HS3ST4: variants seen among roughly 807,000 people sequenced by gnomAD.
HS3ST4 encodes heparan sulfate-glucosamine 3-sulfotransferase 4, also known as heparan sulfate glucosamine 3-O-sulfotransferase 4.
A neutral mutation model predicts 29.2 loss-of-function variants in HS3ST4; 17 were observed. The ratio of observed to expected loss-of-function variants is 0.58; its 90% confidence interval spans 0.40 to 0.87. HS3ST4 has a LOEUF of 0.87. Ranked by LOEUF, HS3ST4 falls within the 40% of genes least tolerant of loss-of-function variation. The pLI is 0.00. For synonymous variants in HS3ST4, 314 were observed against 285.7 expected, an observed-to-expected ratio of 1.10 and a Z score of -1.00; for missense variants, 627 against 634.5, an observed-to-expected ratio of 0.99 and a Z score of 0.13.
chr16:26,042,553 C>A (rs955730577), intron 1 of HS3ST4, among the ~76,000 whole-genome samples: 9 of 152,348 alleles, frequency 5.9e-5, no homozygotes, highest in Admixed American at 4.6e-4. Flanking sequence ...ATTACCCGGG[C>A]TACCGCTTTA....
At chr16:25,868,594 T>A (rs954364228) in intron 1 of HS3ST4, among the ~76,000 whole-genome samples, 1 of 152,214 alleles carries the variant, frequency 6.6e-6, no homozygotes, top group Non-Finnish European at 1.5e-5. Context: ...AGACCTCCCT[T>A]TGCAAAGGTT....
At chr16:25,973,903 T>C (rs1018143924) in intron 1 of HS3ST4, among the ~76,000 whole-genome samples, 6 of 152,228 alleles carry the variant, frequency 3.9e-5, no homozygotes, top group Non-Finnish European at 8.8e-5. Flanking sequence ...TCTGCTATAG[T>C]GTCCAATGTC....
At chr16:25,946,122 C>G (rs1374812958) in intron 1 of HS3ST4, among the ~76,000 whole-genome samples, 1 of 152,162 alleles carries the variant, frequency 6.6e-6, no homozygotes, top group East Asian at 1.9e-4. Flanking sequence ...ATTTCTTGTG[C>G]ATCGATTTTG....
intron 1 of HS3ST4, among the ~76,000 whole-genome samples, chr16:26,022,599 A>G (rs1312199188): frequency 6.6e-6 from 1 of 152,112 alleles, no homozygotes; most frequent in Non-Finnish European, 1.5e-5. Flanking sequence ...TACAGGCTGT[A>G]CAGACAGGCA....
intron 1 of HS3ST4, among the ~76,000 whole-genome samples, chr16:25,973,523 T>C (rs1968916233): frequency 6.6e-6 from 1 of 152,218 alleles, no homozygotes; most frequent in Non-Finnish European, 1.5e-5. Flanking sequence ...TATTCTTTCC[T>C]TCCCAGTCTG....
chr16:25,700,606 G>A (rs1327682098), intron 1 of HS3ST4, among the ~76,000 whole-genome samples: 2 of 152,136 alleles, frequency 1.3e-5, no homozygotes, highest in African/African-American at 4.8e-5. Context: ...GATTGCTAGG[G>A]TTGTTTGTCA....
At chr16:26,054,649 C>T (rs1188230966) in intron 1 of HS3ST4, among the ~76,000 whole-genome samples, 1 of 152,092 alleles carries the variant, frequency 6.6e-6, no homozygotes, top group Non-Finnish European at 1.5e-5. Context: ...TGGGACAGCA[C>T]CAGGTCATTA....
intron 1 of HS3ST4, among the ~76,000 whole-genome samples, chr16:25,713,082 T>C (rs2141585793): frequency 6.6e-6 from 1 of 152,284 alleles, no homozygotes; most frequent in Admixed American, 6.5e-5. Flanking sequence ...TTTTGTAAGT[T>C]CTGGGATACA....
chr16:26,099,897 A>G (rs1596680820), intron 1 of HS3ST4, among the ~76,000 whole-genome samples: 2 of 151,998 alleles, frequency 1.3e-5, no homozygotes, highest in East Asian at 1.9e-4. Context: ...ATTTTAGATT[A>G]AGGATTTTAG....
At chr16:25,991,014 G>A (rs184348295) in intron 1 of HS3ST4, among the ~76,000 whole-genome samples, 1 of 152,220 alleles carries the variant, frequency 6.6e-6, no homozygotes, top group East Asian at 1.9e-4. Flanking sequence ...TTCGATGCTT[G>A]TTGGAGAATA....
chr16:25,740,330 A>G (rs1567230729), intron 1 of HS3ST4, among the ~76,000 whole-genome samples: 1 of 152,206 alleles, frequency 6.6e-6, no homozygotes, highest in Admixed American at 6.5e-5. Flanking sequence ...TTCTACTCTG[A>G]CAGAAAAAAA....
At chr16:26,018,974 C>T (rs1393750210) in intron 1 of HS3ST4, among the ~76,000 whole-genome samples, 1 of 152,160 alleles carries the variant, frequency 6.6e-6, no homozygotes, top group Non-Finnish European at 1.5e-5. Context: ...TGTTACCTGC[C>T]TGGCTCCTGC....
chr16:25,692,332 GGC>G lies in HS3ST4; in HGVS notation c.-84_-83del. The G allele has an allele frequency of 1.2e-5, 2 of 162,272 alleles. No individual in the cohort carries two copies. The highest frequency in any genetic ancestry group is 2.5e-5 in the Non-Finnish European group (2 of 80,426). The allele number at this position is 162,272 out of a possible 1,614,324, so 10.1% of individuals were successfully genotyped here. ...CGGCGGCGGCGGCGGCGGCGGCGGC[GGC>G]GGCGGGGGCGGCGGCTGAAACCATG... On this transcript the variant is annotated 5_prime_UTR_variant, in exon 1 of 2. It introduces an in-frame stop codon into an upstream open reading frame of the 5' UTR. Coordinates refer to ENST00000331351, the MANE Select transcript of HS3ST4 (RefSeq NM_006040.3).
intron 1 of HS3ST4, among the ~76,000 whole-genome samples, chr16:26,121,805 A>C (rs1899280326): frequency 6.6e-6 from 1 of 152,192 alleles, no homozygotes; most frequent in African/African-American, 2.4e-5. Flanking sequence ...GAAAGAAAAC[A>C]CAACAAAATA....
intron 1 of HS3ST4, among the ~76,000 whole-genome samples, chr16:25,722,896 G>A (rs772673156): frequency 1.1e-4 from 17 of 152,112 alleles, no homozygotes; most frequent in Non-Finnish European, 2.4e-4. Flanking sequence ...ACCCAATAAT[G>A]GGTTATTTAT....
rs1230259154 is a variant in HS3ST4, at chr16:26,068,460, A to G, written c.735-67152A>G. On this transcript the variant is annotated intron_variant, in intron 1 of 1. Coordinates refer to ENST00000331351, the MANE Select transcript of HS3ST4 (RefSeq NM_006040.3). ...TTTACAGGTGAGGGTTCTGAGCACC[A>G]TAGACATCAAGGGTCTTCCCCAAAT... Among the ~76,000 whole-genome samples, 6 of 152,216 alleles carry G rather than the reference A, an allele frequency of 3.9e-5. No individual in the cohort carries two copies. In the East Asian group the frequency reaches 1.2e-3, roughly 29 times the overall value.
At chr16:26,105,176 C>A (rs781327994) in intron 1 of HS3ST4, among the ~76,000 whole-genome samples, 1 of 152,090 alleles carries the variant, frequency 6.6e-6, no homozygotes, top group Non-Finnish European at 1.5e-5. Flanking sequence ...TAGAAAAGAA[C>A]AAAATCATGT....
chr16:26,022,161 G>T (rs72778355), intron 1 of HS3ST4, among the ~76,000 whole-genome samples: 7,769 of 152,090 alleles, frequency 0.051, 229 homozygotes, highest in Non-Finnish European at 0.07. Flanking sequence ...TAGCTATGGG[G>T]TCTCACTGTG....
In HS3ST4 at chr16:25,915,099, AC is replaced by A. The variant is rs1968279320; in HGVS notation, c.735-220512del. On this transcript the variant is annotated intron_variant, in intron 1 of 1. Transcript: ENST00000331351. Reference sequence around the variant, plus strand: ...TGATCGCCAGTCGTGACAACCAATAACGACTCCAGATGTGGCCACATGTCTG... The same window carrying A: ...TGATCGCCAGTCGTGACAACCAATAAGACTCCAGATGTGGCCACATGTCTG... 2.0e-5 allele frequency among the ~76,000 whole-genome samples: 3 copies of A among 152,030 alleles called. No individual in the cohort carries two copies. The South Asian group carries it at 6.2e-4, about 32-fold the overall frequency.
Sources: gnomAD v4.1 joint callset for allele counts (sites outside exome capture counted in the v4.1 genomes callset) on GRCh38, gnomAD v4.1.1 for gene constraint, MANE v1.5 for transcripts, NCBI Gene and HGNC (gene_info 2026-07-23, HGNC 2026-07-21) for gene names.